LYPD5: variants seen among roughly 807,000 people sequenced by gnomAD.
LYPD5 encodes ly6/PLAUR domain-containing protein 5.
Under a neutral mutation model 19.1 loss-of-function variants are expected in LYPD5, and 21 were observed. The observed-to-expected ratio is 1.10, with a 90% CI of 0.78 to 1.58. The LOEUF (loss-of-function observed/expected upper bound fraction) is 1.58, where lower values mean the gene tolerates loss of function less well. Ranked by LOEUF, LYPD5 falls within the 40% of genes most tolerant of loss-of-function variation. The pLI is 0.00. For synonymous variants in LYPD5, 128 were observed against 142.7 expected (o/e 0.90, Z 0.74); for missense variants, 287 against 329.8 (o/e 0.87, Z 1.00).
At chr19:43,813,389 G>C (rs1970343292) in intron 1 of LYPD5, among the ~76,000 whole-genome samples, 1 of 152,156 alleles carries the variant, frequency 6.6e-6, no homozygotes, top group African/African-American at 2.4e-5. Flanking sequence ...TAAGCTTCCT[G>C]AGGCCTCACC....
intron 1 of LYPD5, among the ~76,000 whole-genome samples, chr19:43,800,463 G>A (rs1345719265): frequency 6.6e-6 from 1 of 152,112 alleles, no homozygotes; most frequent in South Asian, 2.1e-4. Flanking sequence ...CTTCACACAT[G>A]GAAAATCACA....
intron 1 of LYPD5, among the ~76,000 whole-genome samples, chr19:43,810,165 T>C (rs1599697282): frequency 2.0e-5 from 3 of 152,346 alleles, no homozygotes; most frequent in Admixed American, 2.0e-4. Flanking sequence ...CAACTGCACA[T>C]GGTGACAGTA....
At chr19:43,818,348 T>G (rs1162561541) in intron 1 of LYPD5, among the ~76,000 whole-genome samples, 1 of 152,056 alleles carries the variant, frequency 6.6e-6, no homozygotes, top group African/African-American at 2.4e-5. Flanking sequence ...AAGTATAGTG[T>G]GGTAGGGAAG....
chr19:43,797,526 G>T lies in LYPD5; in HGVS notation c.*65C>A. 8.0e-7 allele frequency: 1 copy of T among 1,256,450 alleles called. No individual in the cohort carries two copies. Among genetic ancestry groups the T allele is most frequent in the Non-Finnish European group, 1.1e-6 (1 of 891,694 alleles). 77.8% of individuals were successfully genotyped at this position (1,256,450 alleles called of 1,614,324 possible). On this transcript the variant is annotated 3_prime_UTR_variant, in exon 5 of 5. Coordinates refer to ENST00000377950, the MANE Select transcript of LYPD5 (RefSeq NM_001031749.3). ...AACATCATTTTCCAGTGAGCTATGT[G>T]ATAGGGGCTGAAGCAGCAAGAATGA...
At chr19:43,818,581 G>A (rs1169578293) in intron 1 of LYPD5, among the ~76,000 whole-genome samples, 1 of 152,204 alleles carries the variant, frequency 6.6e-6, no homozygotes, top group East Asian at 1.9e-4. Context: ...TCATGCATCA[G>A]CATCAACAGG....
upstream of LYPD5, among the ~76,000 whole-genome samples, chr19:43,806,660 C>CAACAAAACAA (rs149155466): frequency 0.011 from 1,658 of 151,020 alleles, 15 homozygotes; most frequent in Middle Eastern, 0.034. Flanking sequence ...GACACCGTCT[C>CAACAAAACAA]AACAAAACAA....
rs1199117367 is a variant in LYPD5 at position 43,796,818 on chromosome 19, G to A, written c.*773C>T. ...CACTGCTGTGTCCCAAGTACTAAATGTTCATCTCGTTGAATCCTCACTGCA... is the reference window on the plus strand; with the variant it reads ...CACTGCTGTGTCCCAAGTACTAAATATTCATCTCGTTGAATCCTCACTGCA... On this transcript the variant is annotated 3_prime_UTR_variant, in exon 5 of 5. Transcript: ENST00000377950. 2.0e-5 allele frequency: 3 copies of A among 152,190 alleles called. No individual in the cohort carries two copies. Among genetic ancestry groups the A allele is most frequent in the African/African-American group, 7.2e-5 (3 of 41,434 alleles). 9.4% of individuals were successfully genotyped at this position (152,190 alleles called of 1,614,324 possible). A position where few individuals can be genotyped will look rare whatever the true frequency, so the allele number is the denominator to read the frequency against.
chr19:43,810,533 TCCCTCCCCTCCCCTC>T (rs147038876), intron 1 of LYPD5, among the ~76,000 whole-genome samples: 4 of 86,268 alleles, frequency 4.6e-5, no homozygotes, highest in Non-Finnish European at 7.1e-5. Context: ...TCCCTTCCGT[TCCCTCCCCTCCCCTC>T]CCCTCCCTTC....
At chr19:43,819,117 A>C (rs1970397401) in intron 1 of LYPD5, among the ~76,000 whole-genome samples, 1 of 152,062 alleles carries the variant, frequency 6.6e-6, no homozygotes, top group African/African-American at 2.4e-5. Context: ...TCAAATAAGC[A>C]GTTGTTGGCA....
intron 2 of LYPD5, among the ~76,000 whole-genome samples, chr19:43,799,336 C>G (rs1333518709): frequency 2.6e-5 from 4 of 152,156 alleles, no homozygotes; most frequent in African/African-American, 9.7e-5. Context: ...CTCCGCTTCC[C>G]GGATTCAAGC....
chr19:43,808,887 T>C (rs1169369897), intron 1 of LYPD5, among the ~76,000 whole-genome samples: 6 of 152,360 alleles, frequency 3.9e-5, no homozygotes, highest in African/African-American at 1.4e-4. Context: ...TAAATTTTCA[T>C]AAGTTTATTT....
chr19:43,806,553 T>C (rs1045882349), upstream of LYPD5, among the ~76,000 whole-genome samples: 1 of 152,068 alleles, frequency 6.6e-6, no homozygotes, highest in Non-Finnish European at 1.5e-5. Context: ...TCCCAGCTAC[T>C]CAGGAGGCTG....
chr19:43,804,405 C>A (rs1970254296), upstream of LYPD5, among the ~76,000 whole-genome samples: 1 of 91,790 alleles, frequency 1.1e-5, no homozygotes, highest in Non-Finnish European at 2.5e-5. Flanking sequence ...GACAGAATAA[C>A]TCCATGTGAT....
At chr19:43,818,457 G>T (rs1349694488) in intron 1 of LYPD5, among the ~76,000 whole-genome samples, 1 of 152,158 alleles carries the variant, frequency 6.6e-6, no homozygotes, top group Non-Finnish European at 1.5e-5. Context: ...CCTAGCTGAG[G>T]AGAAGAAGGG....
chr19:43,801,308 T>C (rs1426082368), intron 1 of LYPD5, among the ~76,000 whole-genome samples: 2 of 152,170 alleles, frequency 1.3e-5, no homozygotes, highest in African/African-American at 4.8e-5. Flanking sequence ...GAGACCAGCC[T>C]GGGCAACATA....
Position 43,819,791 on chromosome 19 carries a change from G to A in LYPD5, c.-66+749C>T, listed in dbSNP as rs566398683. Among the ~76,000 whole-genome samples the A allele has an allele frequency of 7.2e-5, 11 of 152,276 alleles. No homozygotes were observed. In the East Asian group the frequency reaches 2.1e-3, roughly 29 times the overall value. On this transcript the variant is annotated intron_variant, in intron 1 of 4. Transcript: ENST00000414615. The stretch of plus-strand genomic sequence containing the variant: ...AAGGACAAAAGAACTTGTTTCTCCA[G>A]CTAGCGGAAAGTGTAGCTCATTTCC...
At chr19:43,798,258 CAA>C (rs1568402899) in intron 4 of LYPD5, among the ~76,000 whole-genome samples, 195 bp downstream of exon 4, 12 of 130,508 alleles carry the variant, frequency 9.2e-5, no homozygotes, top group East Asian at 3.1e-4. Context: ...AGACCAGGGC[CAA>C]ATCTTCTCCC....
chr19:43,809,196 C>T (rs1221464593), intron 1 of LYPD5, among the ~76,000 whole-genome samples: 1 of 151,514 alleles, frequency 6.6e-6, no homozygotes, highest in South Asian at 2.1e-4. Flanking sequence ...CCCGCCACTA[C>T]ACCCGGCTAA....
Position 43,797,503 on chromosome 19 carries a change from C to T in LYPD5, c.*88G>A. The T allele has an allele frequency of 1.8e-6, 2 of 1,087,766 alleles. No homozygotes were observed. The highest frequency in any genetic ancestry group is 2.4e-5 in the East Asian group (1 of 41,892). The allele number at this position is 1,087,766 out of a possible 1,614,324, so 67.4% of individuals were successfully genotyped here. On this transcript the variant is annotated 3_prime_UTR_variant, in exon 5 of 5. Coordinates refer to ENST00000377950, the MANE Select transcript of LYPD5 (RefSeq NM_001031749.3). ...GACAGGAGTGCAATTCTTACTTTAACATCATTTTCCAGTGAGCTATGTGAT... is the reference window on the plus strand; with the variant it reads ...GACAGGAGTGCAATTCTTACTTTAATATCATTTTCCAGTGAGCTATGTGAT...
Sources: gnomAD v4.1 joint callset for allele counts (sites outside exome capture counted in the v4.1 genomes callset) on GRCh38, gnomAD v4.1.1 for gene constraint, MANE v1.5 for transcripts, NCBI Gene and HGNC (gene_info 2026-07-23, HGNC 2026-07-21) for gene names.